AGBL4: variants seen among roughly 807,000 people sequenced by gnomAD.
AGBL4 encodes the protein AGBL carboxypeptidase 4.
A neutral mutation model predicts 66.4 loss-of-function variants in AGBL4; 58 were observed. The observed-to-expected ratio is 0.87, with a 90% CI of 0.71 to 1.09. AGBL4 has a LOEUF of 1.09. Among genes scored for constraint, AGBL4 ranks in the 50% least tolerant of loss-of-function variants. The pLI, the probability that AGBL4 is intolerant of heterozygous loss-of-function variation, is 0.00. For synonymous variants in AGBL4, 234 were observed against 222.9 expected, an observed-to-expected ratio of 1.05 and a Z score of -0.44; for missense variants, 579 against 631.0, an observed-to-expected ratio of 0.92 and a Z score of 0.88.
intron 6 of AGBL4, among the ~76,000 whole-genome samples, chr1:48,768,445 GTTA>G (rs1179059459): frequency 6.6e-6 from 1 of 152,160 alleles, no homozygotes; most frequent in Non-Finnish European, 1.5e-5. Flanking sequence ...AGAACTTGGT[GTTA>G]TTAATCTGAG....
At chr1:48,541,018 T>A (rs1557772180) in intron 11 of AGBL4, among the ~76,000 whole-genome samples, 1 of 152,216 alleles carries the variant, frequency 6.6e-6, no homozygotes, top group Non-Finnish European at 1.5e-5. Context: ...TACCGTACTG[T>A]TCATAGTCAG....
At chr1:49,086,463 C>T (rs1644908956) in intron 4 of AGBL4, among the ~76,000 whole-genome samples, 1 of 152,092 alleles carries the variant, frequency 6.6e-6, no homozygotes, top group South Asian at 2.1e-4. Flanking sequence ...AGTGGCCCCA[C>T]TTCTGTGTAA....
At chr1:49,234,234 AT>A (rs1043192247) in intron 4 of AGBL4, among the ~76,000 whole-genome samples, 1 of 152,214 alleles carries the variant, frequency 6.6e-6, no homozygotes. Context: ...TAAATTTGTC[AT>A]ATGCCCCCAA....
At chr1:49,302,593 ATATTTTATTTTAT>A (rs1644767399) in intron 3 of AGBL4, among the ~76,000 whole-genome samples, 5 of 127,136 alleles carry the variant, frequency 3.9e-5, no homozygotes, top group Middle Eastern at 4.2e-3. Flanking sequence ...ATTTTATTTT[ATATTTTATTTTAT>A]TTTTTTATTT....
intron 6 of AGBL4, among the ~76,000 whole-genome samples, chr1:48,845,960 G>C (rs17104968): frequency 6.6e-6 from 1 of 152,202 alleles, no homozygotes; most frequent in Admixed American, 6.5e-5. Flanking sequence ...TGTTATCACT[G>C]TTTTTCACAG....
At chr1:49,992,452 C>T (rs1031655911) in intron 1 of AGBL4, among the ~76,000 whole-genome samples, 21 of 151,750 alleles carry the variant, frequency 1.4e-4, no homozygotes, top group Admixed American at 1.1e-3. Flanking sequence ...TTTAAATACT[C>T]AGGTTTTGGG....
Position 49,340,671 on chromosome 1 carries a change from A to G in AGBL4, c.283-94807T>C, listed in dbSNP as rs887842266. Among the ~76,000 whole-genome samples the G allele has an allele frequency of 2.8e-4, 43 of 152,266 alleles. 1 individual carries two copies. Among genetic ancestry groups the G allele is most frequent in the African/African-American group, 9.9e-4 (41 of 41,562 alleles). ...GATGCCCAAAGATATTTAAGTCCTA[A>G]TGTCAGAGACTTTCAAACCAGAGCA... On this transcript the variant is annotated intron_variant, in intron 3 of 13. Transcript: ENST00000371839.
intron 3 of AGBL4, among the ~76,000 whole-genome samples, chr1:49,247,388 G>C (rs1651727662): frequency 1.3e-5 from 2 of 152,074 alleles, no homozygotes; most frequent in Middle Eastern, 3.4e-3. Context: ...GCATCTCTAG[G>C]CCTTTTGGTT....
At chr1:49,207,460 CTTTCTTTCTCTTTCTTTCTT>C (rs1416090811) in intron 4 of AGBL4, among the ~76,000 whole-genome samples, 49 of 2,786 alleles carry the variant, frequency 0.018, no homozygotes, top group African/African-American at 0.031. Flanking sequence ...CTTTCTTTTT[CTTTCTTTCTCTTTCTTTCTT>C]TTTCTTTCTT....
Position 48,539,725 on chromosome 1 carries a change from C to A in AGBL4, c.1281G>T (p.Gly427=). The A allele has an allele frequency of 6.5e-7, 1 of 1,540,442 alleles. No individual in the cohort carries two copies. The highest frequency in any genetic ancestry group is 8.8e-7 in the Non-Finnish European group (1 of 1,139,306). The change falls in exon 12 of 14, where the codon GGG becomes GGT. Residue 427 remains glycine (G), a synonymous_variant. Coordinates refer to ENST00000371839, the MANE Select transcript of AGBL4 (RefSeq NM_032785.4). ...CCAAAAAGGTTCTTGCCACATTCCG[C>A]CCCAGCTTCATATCTGCAGGTGTGT... ...PYTEEAYMKL[G]RNVARTFLDY...
At chr1:49,987,967 C>A (rs560025763) in intron 1 of AGBL4, among the ~76,000 whole-genome samples, 189 of 150,448 alleles carry the variant, frequency 1.3e-3, no homozygotes, top group East Asian at 0.012. Context: ...AAAAAAAAAA[C>A]CCCTATTCTT....
chr1:49,707,602 T>C (rs898206501), intron 2 of AGBL4, among the ~76,000 whole-genome samples: 1 of 152,154 alleles, frequency 6.6e-6, no homozygotes, highest in Non-Finnish European at 1.5e-5. Flanking sequence ...ATTATGATCC[T>C]AGCTGGTTAT....
intron 4 of AGBL4, among the ~76,000 whole-genome samples, chr1:49,242,206 A>G (rs1196242435): frequency 6.6e-6 from 1 of 151,988 alleles, no homozygotes; most frequent in East Asian, 1.9e-4. Flanking sequence ...TAATCAACTG[A>G]TATTAATCAC....
intron 5 of AGBL4, among the ~76,000 whole-genome samples, chr1:48,977,044 G>A (rs990870088): frequency 1.3e-5 from 2 of 151,758 alleles, no homozygotes; most frequent in African/African-American, 4.8e-5. Flanking sequence ...ACTGTCCCTA[G>A]TGTGCCTGGC....
At chr1:49,402,238 G>A (rs1645101413) in intron 3 of AGBL4, among the ~76,000 whole-genome samples, 1 of 151,912 alleles carries the variant, frequency 6.6e-6, no homozygotes, top group Admixed American at 6.6e-5. Context: ...GTTTGTTCTT[G>A]ATTTTCTAGT....
intron 8 of AGBL4, among the ~76,000 whole-genome samples, chr1:48,651,051 A>T (rs888517366): frequency 2.6e-5 from 4 of 152,076 alleles, no homozygotes. Flanking sequence ...AGTCTTTATT[A>T]TTTTTTTATA....
chr1:49,116,723 T>A (rs1377969001), intron 4 of AGBL4, among the ~76,000 whole-genome samples: 1 of 152,214 alleles, frequency 6.6e-6, no homozygotes, highest in Non-Finnish European at 1.5e-5. Context: ...TATAAACCTT[T>A]GGGTATATAC....
At chr1:49,842,259 T>C in intron 2 of AGBL4, 1 of 442,996 alleles carries the variant, frequency 2.3e-6, no homozygotes, top group South Asian at 1.9e-5. Context: ...TATGATGTAA[T>C]GCTGGACGCC....
chr1:49,834,299 G>A lies in AGBL4; in HGVS notation c.157+17097C>T, dbSNP rs542011199. Among the ~76,000 whole-genome samples, 14 of 152,190 alleles carry A rather than the reference G, an allele frequency of 9.2e-5. No individual in the cohort carries two copies. The South Asian group carries it at 1.7e-3, about 18-fold the overall frequency. On this transcript the variant is annotated intron_variant, in intron 2 of 13. Transcript: ENST00000371839. ...TATTCAGGGATTCAACTTCCTCCTG[G>A]TTTAGTCTTGGGAGGGTGTATGTGT...
Sources: gnomAD v4.1 joint callset for allele counts (sites outside exome capture counted in the v4.1 genomes callset) on GRCh38, gnomAD v4.1.1 for gene constraint, MANE v1.5 for transcripts, NCBI Gene and HGNC (gene_info 2026-07-23, HGNC 2026-07-21) for gene names.